GKAP1: variants seen among roughly 807,000 people sequenced by gnomAD.
GKAP1 encodes the protein G kinase-anchoring protein 1.
Under a neutral mutation model 56.7 loss-of-function variants are expected in GKAP1, and 31 were observed. The observed-to-expected ratio is 0.55, with a 90% CI of 0.41 to 0.74. The LOEUF is 0.74. Ranked by LOEUF, GKAP1 falls within the 30% of genes least tolerant of loss-of-function variation. GKAP1 has a pLI of 0.00. For missense variants in GKAP1, 364 were observed against 402.3 expected, an observed-to-expected ratio of 0.90 and a Z score of 0.82; for synonymous variants, 151 against 138.6, an observed-to-expected ratio of 1.09 and a Z score of -0.63.
intron 8 of GKAP1, among the ~76,000 whole-genome samples, chr9:83,754,615 C>A (rs1943443952): frequency 6.6e-6 from 1 of 152,042 alleles, no homozygotes; most frequent in Admixed American, 6.6e-5. Context: ...GAAGGCCATG[C>A]AGGAAGGGCC....
At chr9:83,804,861 C>G (rs1446828817) in intron 3 of GKAP1, among the ~76,000 whole-genome samples, 1 of 146,316 alleles carries the variant, frequency 6.8e-6, no homozygotes, top group South Asian at 2.2e-4. Flanking sequence ...GTCAGCCCCC[C>G]GCCCGGCCAG....
intron 3 of GKAP1, among the ~76,000 whole-genome samples, chr9:83,802,672 AC>A (rs1167413762): frequency 1.3e-5 from 2 of 150,914 alleles, no homozygotes; most frequent in Non-Finnish European, 3.0e-5. Flanking sequence ...CTACAAAAAA[AC>A]AAAATTAGCT....
In GKAP1 at chr9:83,742,035, AC is replaced by A; in HGVS notation, c.976-7del. On this transcript the variant is annotated splice_polypyrimidine_tract_variant and splice_region_variant and intron_variant, in intron 11 of 12. Transcript: ENST00000376371. ...GCAGCATGAAGTGAAGTCACCTATA[AC>A]CAAATATTCAATAAGAAAAAGAATT... 1 of 1,569,944 alleles carries A rather than the reference AC, an allele frequency of 6.4e-7. No homozygotes were observed.
intron 10 of GKAP1, 150 bp from the exon 11 acceptor site, chr9:83,742,750 A>G: frequency 2.0e-6 from 1 of 492,852 alleles, no homozygotes; most frequent in South Asian, 3.9e-5. Flanking sequence ...CATAGCTCTT[A>G]CTTTTCACTG....
intron 3 of GKAP1, among the ~76,000 whole-genome samples, chr9:83,801,081 A>T (rs1295821137): frequency 6.6e-6 from 1 of 152,252 alleles, no homozygotes; most frequent in African/African-American, 2.4e-5. Context: ...AGATGTAATC[A>T]AGTTAAGATA....
chr9:83,744,030 T>C (rs1018770064), intron 10 of GKAP1, among the ~76,000 whole-genome samples: 6 of 152,170 alleles, frequency 3.9e-5, no homozygotes, highest in East Asian at 1.9e-4. Flanking sequence ...CAATGTAAGA[T>C]TGTAGTTCAA....
At chr9:83,760,364 T>C (rs1943548439) in intron 8 of GKAP1, among the ~76,000 whole-genome samples, 1 of 152,224 alleles carries the variant, frequency 6.6e-6, no homozygotes, top group Admixed American at 6.5e-5. Flanking sequence ...CCCAGATATA[T>C]AAAGCAAATA....
At position 83,779,553 on chromosome 9, in the gene GKAP1, A is replaced by ATATATATACACGTG. The variant is rs1564201796; in HGVS notation, c.585+828_585+829insCACGTGTATATATA. On this transcript the variant is annotated intron_variant, in intron 7 of 12. Transcript: ENST00000376371. ...TATATGTGTATATATATACACGTGT[A>ATATATATACACGTG]TATGTGTATATATATACACACATAT... 9.3e-3 allele frequency among the ~76,000 whole-genome samples: 259 copies of ATATATATACACGTG among 27,708 alleles called. 6 individuals carry two copies. The highest frequency in any genetic ancestry group is 0.022 in the East Asian group (20 of 894). The allele number at this position is 27,708 out of a possible 152,430, so 18.2% of individuals were successfully genotyped here. A position where few individuals can be genotyped will look rare whatever the true frequency, so the allele number is the denominator to read the frequency against.
At chr9:83,802,211 T>C (rs558629479) in intron 3 of GKAP1, among the ~76,000 whole-genome samples, 117 of 152,288 alleles carry the variant, frequency 7.7e-4, no homozygotes, top group African/African-American at 2.5e-3. Context: ...CCAGGCGCAG[T>C]GGCTCACACC....
At chr9:83,774,697 ACC>A (rs201169255) in intron 7 of GKAP1, among the ~76,000 whole-genome samples, 1 of 107,230 alleles carries the variant, frequency 9.3e-6, no homozygotes, top group Non-Finnish European at 2.0e-5. Flanking sequence ...ATAAACAGAA[ACC>A]CCCTTTTTTT....
intron 4 of GKAP1, chr9:83,793,000 T>C (rs1166694922): frequency 7.8e-7 from 1 of 1,279,568 alleles, no homozygotes; most frequent in Non-Finnish European, 1.0e-6. Context: ...GACTTCCTCA[T>C]TGCCTCCTAC....
At chr9:83,816,363 C>A (rs529238202) in intron 2 of GKAP1, among the ~76,000 whole-genome samples, 2 of 152,162 alleles carry the variant, frequency 1.3e-5, no homozygotes, top group Admixed American at 6.5e-5. Flanking sequence ...CCACTTTCTG[C>A]AGGCCAAGAA....
At chr9:83,774,283 G>A (rs1943813318) in intron 7 of GKAP1, among the ~76,000 whole-genome samples, 2 of 151,822 alleles carry the variant, frequency 1.3e-5, no homozygotes, top group African/African-American at 4.8e-5. Flanking sequence ...CTGGCCTTGG[G>A]AAAGAGTTTA....
rs114907871 is a variant in GKAP1 at position 83,784,700 on chromosome 9, T to C, written c.562+15A>G. The C allele has an allele frequency of 5.3e-4, 812 of 1,541,082 alleles. 5 individuals carry two copies. The African/African-American group carries it at 9.4e-3, about 18-fold the overall frequency. ...GAATAGTTCTTTTAGCATAATAGCA[T>C]TGTATATACATTACCTTCCGAATGA... On this transcript the variant is annotated intron_variant, in intron 6 of 12. Transcript: ENST00000376371.
intron 3 of GKAP1, among the ~76,000 whole-genome samples, chr9:83,803,449 T>C (rs1372778031): frequency 6.6e-6 from 1 of 152,220 alleles, no homozygotes; most frequent in African/African-American, 2.4e-5. Flanking sequence ...GAGACGGGGT[T>C]TCGCTGTGTT....
chr9:83,792,179 A>C (rs900726859), intron 4 of GKAP1, among the ~76,000 whole-genome samples: 18 of 152,222 alleles, frequency 1.2e-4, no homozygotes, highest in Non-Finnish European at 2.2e-4. Context: ...GGTAGTTTTA[A>C]GGACTTAAAG....
intron 2 of GKAP1, among the ~76,000 whole-genome samples, chr9:83,811,673 A>C (rs1944507358): frequency 6.6e-6 from 1 of 152,224 alleles, no homozygotes; most frequent in South Asian, 2.1e-4. Context: ...GAAAAGCTAA[A>C]ATGGAAAGGG....
intron 3 of GKAP1, among the ~76,000 whole-genome samples, chr9:83,803,784 C>T (rs1305911462): frequency 6.6e-6 from 1 of 150,972 alleles, no homozygotes; most frequent in Non-Finnish European, 1.5e-5. Context: ...CTCTGCCCGG[C>T]CGCCATCCCA....
chr9:83,793,832 T>C (rs1268369817), intron 4 of GKAP1, among the ~76,000 whole-genome samples: 1 of 152,182 alleles, frequency 6.6e-6, no homozygotes, highest in Non-Finnish European at 1.5e-5. Flanking sequence ...AAATTTTCAT[T>C]TGAGTCATCC....
Sources: allele counts gnomAD v4.1 joint callset (sites outside exome capture counted in the v4.1 genomes callset), GRCh38; gene constraint gnomAD v4.1.1; transcripts MANE v1.5; gene names NCBI Gene and HGNC (gene_info 2026-07-23, HGNC 2026-07-21).